ZNF66: variants seen among roughly 807,000 people sequenced by gnomAD.
The protein encoded by ZNF66 is putative zinc finger protein 66.
Under a neutral mutation model 35.2 loss-of-function variants are expected in ZNF66, and 32 were observed. That is an observed-to-expected ratio of 0.91 (90% CI 0.69 to 1.22). The LOEUF is 1.22. ZNF66 is among the 50% of genes most tolerant of loss of function. The probability of loss-of-function intolerance (pLI) is 0.00; values close to 1 mark genes in which losing one functional copy is unlikely to be tolerated. For missense variants in ZNF66, 666 were observed against 543.1 expected (o/e 1.23, Z -2.25); for synonymous variants, 231 against 181.3 (o/e 1.27, Z -2.20).
chr19:20,793,396 T>C (rs1251992874), intron 2 of ZNF66, among the ~76,000 whole-genome samples: 1 of 140,442 alleles, frequency 7.1e-6, no homozygotes, highest in Non-Finnish European at 1.5e-5. Context: ...AGTGGTGCAA[T>C]CTGGGCTTAC....
chr19:20,798,376 A>T (rs1324046118), intron 3 of ZNF66, among the ~76,000 whole-genome samples: 1 of 151,994 alleles, frequency 6.6e-6, no homozygotes, highest in East Asian at 1.9e-4. Context: ...AGACAGGAGG[A>T]TACCTGGAGC....
At chr19:20,790,774 TA>T (rs1971330298) in intron 1 of ZNF66, among the ~76,000 whole-genome samples, 1 of 151,836 alleles carries the variant, frequency 6.6e-6, no homozygotes, top group African/African-American at 2.4e-5. Context: ...GGGCTTCAGG[TA>T]AACATGCCTC....
intron 1 of ZNF66, among the ~76,000 whole-genome samples, chr19:20,790,752 GAGAAA>G (rs1971329651): frequency 8.9e-6 from 1 of 112,282 alleles, no homozygotes. Flanking sequence ...AGATCAGAAA[GAGAAA>G]AAAAAAGGGC....
chr19:20,798,426 C>G (rs1269095036), intron 3 of ZNF66, among the ~76,000 whole-genome samples: 1 of 151,802 alleles, frequency 6.6e-6, no homozygotes, highest in Admixed American at 6.6e-5. Context: ...TATGGAGACT[C>G]TCCTCTATAA....
intron 1 of ZNF66, chr19:20,785,052 T>G (rs1971275350): frequency 6.6e-6 from 1 of 152,244 alleles, no homozygotes; most frequent in Non-Finnish European, 1.5e-5. Flanking sequence ...GTCACCATTA[T>G]AAGTAGAAAG....
At position 20,808,689 on chromosome 19, in the gene ZNF66, C is replaced by T. The variant is rs1352084551; in HGVS notation, c.*1367C>T. Among the ~76,000 whole-genome samples the T allele has an allele frequency of 6.6e-6, 1 of 152,060 alleles. No homozygotes were observed. The highest frequency in any genetic ancestry group is 1.5e-5 in the Non-Finnish European group (1 of 67,998). ...AGAAAGGACATCCACACCAAAAACC[C>T]ATCTGTACATCACCATCATCAAAGA... On this transcript the variant is annotated 3_prime_UTR_variant, in exon 4 of 4. Transcript: ENST00000344519.
Position 20,805,107 on chromosome 19 carries a change from T to TTGTGTG in ZNF66, c.227-705_227-700dup, listed in dbSNP as rs59765897. Among the ~76,000 whole-genome samples the TTGTGTG allele has an allele frequency of 3.6e-3, 534 of 148,008 alleles. 1 individual carries two copies. Among genetic ancestry groups the TTGTGTG allele is most frequent in the Non-Finnish European group, 5.0e-3 (338 of 67,232 alleles). On this transcript the variant is annotated intron_variant, in intron 3 of 3. Coordinates refer to ENST00000344519, the MANE Select transcript of ZNF66 (RefSeq NM_001355197.2). ...GAAACCAGGATTTGGCAATTTACATTTGTGTGTGTGTGTGTGTGTGAGAGA... is the reference window on the plus strand; with the variant it reads ...GAAACCAGGATTTGGCAATTTACATTTGTGTGTGTGTGTGTGTGTGTGTGTGAGAGA...
At chr19:20,785,532 A>G (rs946299767) in intron 1 of ZNF66, among the ~76,000 whole-genome samples, 5 of 152,204 alleles carry the variant, frequency 3.3e-5, no homozygotes, top group Non-Finnish European at 4.4e-5. Context: ...AGGATGAACT[A>G]TGTGTGACAT....
At chr19:20,800,875 C>T (rs1971441214) in intron 3 of ZNF66, among the ~76,000 whole-genome samples, 2 of 152,060 alleles carry the variant, frequency 1.3e-5, no homozygotes, top group African/African-American at 4.8e-5. Flanking sequence ...TTTTCTCTTT[C>T]TTAGTTTTTA....
At chr19:20,801,937 G>A (rs1197538874) in intron 3 of ZNF66, among the ~76,000 whole-genome samples, 1 of 131,616 alleles carries the variant, frequency 7.6e-6, no homozygotes, top group East Asian at 2.0e-4. Context: ...TCATTAAGTA[G>A]TTTAATGAGA....
Position 20,807,434 on chromosome 19 carries a change from G to C in ZNF66, c.*112G>C, listed in dbSNP as rs1275022896. ...AGCTATCAACTTTTACTAAATATGA[G>C]AATTTATGGAACACAAACACTACAA... On this transcript the variant is annotated 3_prime_UTR_variant, in exon 4 of 4. Transcript: ENST00000344519. 1.1e-5 allele frequency: 6 copies of C among 546,492 alleles called. No homozygotes were observed. The highest frequency in any genetic ancestry group is 1.9e-5 in the Non-Finnish European group (6 of 308,242). The allele number at this position is 546,492 out of a possible 1,614,324, so 33.9% of individuals were successfully genotyped here.
At chr19:20,792,130 A>G (rs1422930865) in intron 1 of ZNF66, among the ~76,000 whole-genome samples, 2 of 152,216 alleles carry the variant, frequency 1.3e-5, no homozygotes, top group Admixed American at 6.5e-5. Context: ...TCTTCTGGAA[A>G]AAAACCCTGC....
intron 3 of ZNF66, among the ~76,000 whole-genome samples, chr19:20,804,279 G>A (rs936024476): frequency 2.6e-5 from 4 of 151,884 alleles, no homozygotes; most frequent in African/African-American, 7.3e-5. Flanking sequence ...GACAGAGTCT[G>A]TCTCTGTCAC....
intron 1 of ZNF66, among the ~76,000 whole-genome samples, chr19:20,779,782 A>T (rs1438796716): frequency 1.3e-5 from 2 of 151,550 alleles, no homozygotes; most frequent in Non-Finnish European, 2.9e-5. Context: ...AAAAAAAATC[A>T]ACAGGTGTGG....
chr19:20,794,698 A>AT (rs998749224), intron 3 of ZNF66: 2 of 151,442 alleles, frequency 1.3e-5, no homozygotes, highest in Non-Finnish European at 2.9e-5. Context: ...ATTAAATAAG[A>AT]TTTTTTCTTC....
chr19:20,788,311 A>G (rs1599548055), intron 1 of ZNF66, among the ~76,000 whole-genome samples: 1 of 150,504 alleles, frequency 6.6e-6, no homozygotes, highest in East Asian at 1.9e-4. Flanking sequence ...TTGGTACAAT[A>G]AACACGTGTC....
At chr19:20,778,059 A>G (rs1971212044) in intron 1 of ZNF66, among the ~76,000 whole-genome samples, 2 of 152,140 alleles carry the variant, frequency 1.3e-5, no homozygotes, top group African/African-American at 2.4e-5. Flanking sequence ...GGTACCTTCT[A>G]GAAGTGTTCC....
intron 1 of ZNF66, among the ~76,000 whole-genome samples, chr19:20,777,736 C>T (rs10425098): frequency 0.093 from 14,138 of 152,018 alleles, 673 homozygotes; most frequent in Middle Eastern, 0.11. Context: ...AGCGATTCTC[C>T]TGCTTCAGCC....
chr19:20,779,411 C>G (rs757067517), intron 1 of ZNF66, among the ~76,000 whole-genome samples: 2 of 152,100 alleles, frequency 1.3e-5, no homozygotes, highest in Non-Finnish European at 2.9e-5. Context: ...ATGTCTTACC[C>G]TGAAATCAGC....
Sources: gnomAD v4.1 joint callset for allele counts (sites outside exome capture counted in the v4.1 genomes callset) on GRCh38, gnomAD v4.1.1 for gene constraint, MANE v1.5 for transcripts, NCBI Gene and HGNC (gene_info 2026-07-23, HGNC 2026-07-21) for gene names.